UQCRC1: variants seen among roughly 807,000 people sequenced by gnomAD.
UQCRC1 encodes ubiquinol-cytochrome c reductase core protein 1.
UQCRC1 carries 34 observed loss-of-function variants against 58.0 expected under a neutral mutation model. The observed-to-expected ratio is 0.59, with a 90% CI of 0.45 to 0.78. UQCRC1 has a LOEUF of 0.78. Among genes scored for constraint, UQCRC1 ranks in the 30% least tolerant of loss-of-function variants. The pLI, the probability that UQCRC1 is intolerant of heterozygous loss-of-function variation, is 0.00. For synonymous variants in UQCRC1, 276 were observed against 248.8 expected (o/e 1.11, Z -1.03); for missense variants, 610 against 646.0 (o/e 0.94, Z 0.60).
intron 4 of UQCRC1, 98 bp downstream of exon 4, chr3:48,604,553 C>A: frequency 1.3e-6 from 2 of 1,592,378 alleles, no homozygotes; most frequent in East Asian, 2.2e-5. Context: ...CAAAGCCATA[C>A]GCTAAGGGTA....
intron 2 of UQCRC1, among the ~76,000 whole-genome samples, chr3:48,608,890 T>C (rs1230896899): frequency 6.6e-6 from 1 of 152,222 alleles, no homozygotes; most frequent in Non-Finnish European, 1.5e-5. Flanking sequence ...ATCACTTCCC[T>C]TATATGGGCT....
At chr3:48,606,019 T>A (rs939536536) in intron 2 of UQCRC1, among the ~76,000 whole-genome samples, 163 bp from the exon 3 acceptor site, 2 of 152,186 alleles carry the variant, frequency 1.3e-5, no homozygotes, top group Non-Finnish European at 2.9e-5. Flanking sequence ...GACACAGTCA[T>A]GCTTGGAAAA....
intron 4 of UQCRC1, 47 bp from the exon 5 acceptor site, chr3:48,604,478 A>T: frequency 6.2e-7 from 1 of 1,603,676 alleles, no homozygotes; most frequent in Non-Finnish European, 8.5e-7. Context: ...ACCACTGCAG[A>T]CCAACGACAG....
chr3:48,599,211 G>A lies in UQCRC1; in HGVS notation c.1379-19C>T. The A allele has an allele frequency of 1.9e-6, 3 of 1,585,092 alleles. No individual in the cohort carries two copies. The highest frequency in any genetic ancestry group is 2.6e-6 in the Non-Finnish European group (3 of 1,161,824). On this transcript the variant is annotated intron_variant, in intron 12 of 12. Transcript: ENST00000203407. ...ATGGGGCCTGTGGGGATAGGGTGGA[G>A]CGTCAGGGTGGGGTACCTGGCCTGC... is the stretch of plus-strand genomic sequence containing the variant.
chr3:48,608,942 C>G (rs899603467), intron 2 of UQCRC1, among the ~76,000 whole-genome samples: 1 of 152,134 alleles, frequency 6.6e-6, no homozygotes, highest in African/African-American at 2.4e-5. Context: ...GCCTACTTAA[C>G]GGGCATTATA....
intron 10 of UQCRC1, 102 bp downstream of exon 10, chr3:48,600,378 CAA>C (rs2046352787): frequency 6.8e-7 from 1 of 1,461,602 alleles, no homozygotes; most frequent in Admixed American, 1.8e-5. Context: ...GCGTGGTCTT[CAA>C]AGTTTTCCTT....
Position 48,601,106 on chromosome 3 carries a change from C to G in UQCRC1, c.835G>C (p.Asp279His). The change falls in exon 8 of 13, where the codon GAT (aspartate) becomes CAT (histidine). Residue 279 changes from aspartate to histidine, a missense_variant. Coordinates refer to ENST00000203407, the MANE Select transcript of UQCRC1 (RefSeq NM_003365.3). Reference sequence around the variant, plus strand: ...ACGTGGGCAAAAGGTAGAGCATCATCACGGTGGCGGATCTGAAACAGTACA... The same window carrying G: ...ACGTGGGCAAAAGGTAGAGCATCATGACGGTGGCGGATCTGAAACAGTACA... Reference protein sequence around the residue: ...RFTGSEIRHRDDALPFAHVAI... With the variant: ...RFTGSEIRHRHDALPFAHVAI... 1 of 1,601,340 alleles carries G rather than the reference C, an allele frequency of 6.2e-7. No homozygotes were observed. Among genetic ancestry groups the G allele is most frequent in the East Asian group, 2.2e-5 (1 of 44,498 alleles).
chr3:48,603,630 C>T lies in UQCRC1; in HGVS notation c.640G>A (p.Ala214Thr). The T allele has an allele frequency of 6.2e-7, 1 of 1,613,840 alleles. No individual in the cohort carries two copies. The highest frequency in any genetic ancestry group is 8.5e-7 in the Non-Finnish European group (1 of 1,179,924). The change falls in exon 6 of 13, where the codon GCA becomes ACA. Residue 214 changes from alanine (A) to threonine (T), a missense_variant. By Grantham distance (58) the Ala-to-Thr change is moderately conservative. Transcript: ENST00000203407. ...GTGCTGAGGTACTCGGTCAAGTCTG[C>T]ACGAGACAGCTTCCTACAAGACATA... ...PSENVRKLSR[A>T]DLTEYLSTHY...
intron 2 of UQCRC1, among the ~76,000 whole-genome samples, chr3:48,607,333 G>A (rs1575514914): frequency 6.6e-6 from 1 of 152,056 alleles, no homozygotes; most frequent in African/African-American, 2.4e-5. Flanking sequence ...GAGCCACCGC[G>A]TCTAGCCTAA....
At chr3:48,604,470 C>T (rs1347897438) in intron 4 of UQCRC1, 39 bp from the exon 5 acceptor site, 3 of 1,606,140 alleles carry the variant, frequency 1.9e-6, no homozygotes, top group Admixed American at 1.7e-5. Context: ...CCAGGTGGAC[C>T]ACTGCAGACC....
In UQCRC1 at chr3:48,609,099, A is replaced by G. The variant is rs932716136; in HGVS notation, c.210+63T>C. The G allele has an allele frequency of 5.8e-6, 9 of 1,556,388 alleles. No individual in the cohort carries two copies. The Admixed American group carries it at 1.6e-4, about 28-fold the overall frequency. The stretch of plus-strand genomic sequence containing the variant: ...AGACTCGAGCCCAAGGTCACACCCC[A>G]ACCAGGGAAAAGACGGCAGGCCCAA... On this transcript the variant is annotated intron_variant, in intron 2 of 12. Coordinates refer to ENST00000203407, the MANE Select transcript of UQCRC1 (RefSeq NM_003365.3).
intron 2 of UQCRC1, among the ~76,000 whole-genome samples, chr3:48,607,482 T>C (rs1030922097): frequency 1.3e-5 from 2 of 152,192 alleles, no homozygotes; most frequent in African/African-American, 4.8e-5. Context: ...GCCAAGACTT[T>C]TTTTTATTGT....
At position 48,601,368 on chromosome 3, in the gene UQCRC1, C is replaced by A; in HGVS notation, c.806G>T (p.Arg269Leu). ...EDAVPTLTPC[R>L]FTGSEIRHRD... ...GCAGCATACCTCACTGCCAGTGAAG[C>A]GGCATGGAGTAAGAGTGGGCACAGC... Residue 269 changes from arginine to leucine, a missense_variant, in exon 7 of 13, where the codon CGC becomes CTC. Transcript: ENST00000203407. 6.2e-7 allele frequency: 1 copy of A among 1,614,122 alleles called. No individual in the cohort carries two copies. The highest frequency in any genetic ancestry group is 8.5e-7 in the Non-Finnish European group (1 of 1,180,002).
In UQCRC1 at chr3:48,599,658, T is replaced by C; in HGVS notation, c.1355A>G (p.Gln452Arg). The change falls in exon 12 of 13, where the codon CAG becomes CGG. Residue 452 changes from glutamine to arginine, a missense_variant. Coordinates refer to ENST00000203407, the MANE Select transcript of UQCRC1 (RefSeq NM_003365.3). ...REICSKYIYD[Q>R]CPAVAGYGPI... The stretch of plus-strand genomic sequence containing the variant: ...ACCATATCCAGCCACTGCTGGGCAC[T>C]GGTCATAGATGTACTTGGAGCAGAT... 1 of 1,613,920 alleles carries C rather than the reference T, an allele frequency of 6.2e-7. No individual in the cohort carries two copies. Among genetic ancestry groups the C allele is most frequent in the Non-Finnish European group, 8.5e-7 (1 of 1,179,968 alleles).
intron 3 of UQCRC1, 74 bp from the exon 4 acceptor site, chr3:48,604,854 A>C: frequency 6.3e-7 from 1 of 1,582,532 alleles, no homozygotes; most frequent in East Asian, 2.3e-5. Context: ...GAGGCTAAAC[A>C]CCCAGCAGGA....
chr3:48,603,765 T>A, intron 5 of UQCRC1, 122 bp from the exon 6 acceptor site: 1 of 892,012 alleles, frequency 1.1e-6, no homozygotes, highest in Non-Finnish European at 1.8e-6. Flanking sequence ...GAGTGGGCCC[T>A]AGCACACTCC....
At chr3:48,609,358 C>T in intron 1 of UQCRC1, 56 bp from the exon 2 acceptor site, 1 of 1,570,834 alleles carries the variant, frequency 6.4e-7, no homozygotes, top group Admixed American at 1.7e-5. Flanking sequence ...CTCCCCACCT[C>T]CCAGGTCCTC....
rs1414043629 is a variant in UQCRC1, at chr3:48,600,161, T to TG, written c.1214-11dup. The TG allele has an allele frequency of 1.9e-6, 3 of 1,613,506 alleles. No homozygotes were observed. Among genetic ancestry groups the TG allele is most frequent in the Non-Finnish European group, 2.5e-6 (3 of 1,179,826 alleles). ...CACACAGGAGTAGTGCCTTTAAGGGTGAGAGAAGGCTCAGAGGTCCACCCA... is the reference window on the plus strand; with the variant it reads ...CACACAGGAGTAGTGCCTTTAAGGGTGGAGAGAAGGCTCAGAGGTCCACCCA... On this transcript the variant is annotated splice_polypyrimidine_tract_variant and intron_variant, in intron 10 of 12. Transcript: ENST00000203407.
chr3:48,609,496 C>T (rs985586199), intron 1 of UQCRC1, 56 bp downstream of exon 1: 5 of 1,538,244 alleles, frequency 3.3e-6, no homozygotes, highest in Non-Finnish European at 4.4e-6. Flanking sequence ...ACAGCCCACA[C>T]CTGTCCGCTT....
Sources: gnomAD v4.1 joint callset for allele counts (sites outside exome capture counted in the v4.1 genomes callset) on GRCh38, gnomAD v4.1.1 for gene constraint, MANE v1.5 for transcripts, NCBI Gene and HGNC (gene_info 2026-07-23, HGNC 2026-07-21) for gene names.